Variants in DOK5 observed in about 807,000 individuals in gnomAD.
DOK5 encodes the protein downstream of tyrosine kinase 5.
A neutral mutation model predicts 43.3 loss-of-function variants in DOK5; 27 were observed. That is an observed-to-expected ratio of 0.62 (90% CI 0.46 to 0.86). DOK5 has a LOEUF of 0.86. Ranked by LOEUF, DOK5 falls within the 40% of genes least tolerant of loss-of-function variation. The pLI is 0.00. For synonymous variants in DOK5, 146 were observed against 140.1 expected, an observed-to-expected ratio of 1.04 and a Z score of -0.30; for missense variants, 373 against 392.9, an observed-to-expected ratio of 0.95 and a Z score of 0.43.
chr20:54,568,458 T>C (rs1416609348), intron 2 of DOK5, among the ~76,000 whole-genome samples: 1 of 152,182 alleles, frequency 6.6e-6, no homozygotes, highest in East Asian at 1.9e-4. Flanking sequence ...TGTCAGATAG[T>C]TTTTCCGTTT....
In DOK5 at chr20:54,650,516, T is replaced by C; in HGVS notation, c.*37T>C. ...AAGAATTGTTAACACACTTGTGATG[T>C]GTCAGCCACAGATTCACCCAGGAGG... is the stretch of plus-strand genomic sequence containing the variant. On this transcript the variant is annotated 3_prime_UTR_variant, in exon 8 of 8. Transcript: ENST00000262593. 6.3e-7 allele frequency: 1 copy of C among 1,597,038 alleles called. No homozygotes were observed.
intron 6 of DOK5, among the ~76,000 whole-genome samples, chr20:54,624,271 C>A (rs1206275503): frequency 6.6e-6 from 1 of 152,194 alleles, no homozygotes; most frequent in African/African-American, 2.4e-5. Context: ...CACAAAAGCA[C>A]CTGCTTCCAC....
At chr20:54,476,155 C>A (rs1181358238) in intron 1 of DOK5, 143 bp downstream of exon 1, 2 of 1,519,996 alleles carry the variant, frequency 1.3e-6, no homozygotes, top group Admixed American at 2.1e-5. Flanking sequence ...ACCCGCGTCT[C>A]CGGGGCTGTC....
chr20:54,543,216 G>A (rs997186722), intron 1 of DOK5, among the ~76,000 whole-genome samples: 8 of 151,374 alleles, frequency 5.3e-5, no homozygotes, highest in Admixed American at 4.6e-4. Context: ...AAGGAACAAC[G>A]TTGAATATTA....
At chr20:54,545,826 C>T (rs1020480478) in intron 1 of DOK5, among the ~76,000 whole-genome samples, 42 of 152,170 alleles carry the variant, frequency 2.8e-4, no homozygotes, top group African/African-American at 9.2e-4. Flanking sequence ...ACACTTAGTG[C>T]CAGTGAGTGA....
intron 2 of DOK5, among the ~76,000 whole-genome samples, chr20:54,561,415 C>A (rs1984899792): frequency 1.3e-5 from 2 of 152,204 alleles, no homozygotes; most frequent in African/African-American, 4.8e-5. Context: ...GCACAGAAGA[C>A]ACATACCCTT....
chr20:54,524,552 T>C (rs906778670), intron 1 of DOK5, among the ~76,000 whole-genome samples: 1 of 152,164 alleles, frequency 6.6e-6, no homozygotes, highest in South Asian at 2.1e-4. Context: ...CCTGGAACCA[T>C]ACTGTGGGGT....
chr20:54,609,490 T>G (rs946233041), intron 5 of DOK5, among the ~76,000 whole-genome samples: 2 of 151,698 alleles, frequency 1.3e-5, no homozygotes, highest in Non-Finnish European at 2.9e-5. Context: ...TAGTGTAGTT[T>G]TATATATATA....
intron 5 of DOK5, among the ~76,000 whole-genome samples, chr20:54,595,112 C>T (rs558100868): frequency 1.1e-4 from 16 of 152,174 alleles, no homozygotes; most frequent in East Asian, 3.9e-4. Flanking sequence ...GAGGCCAAGG[C>T]GGGCAGATCA....
intron 2 of DOK5, among the ~76,000 whole-genome samples, chr20:54,566,104 C>T (rs998352232): frequency 3.3e-5 from 5 of 151,118 alleles, no homozygotes; most frequent in Non-Finnish European, 7.4e-5. Context: ...AGTCCTCCCA[C>T]CCCACCACCC....
At chr20:54,491,667 C>A (rs1375633114) in intron 1 of DOK5, among the ~76,000 whole-genome samples, 2 of 152,330 alleles carry the variant, frequency 1.3e-5, no homozygotes, top group East Asian at 3.9e-4. Flanking sequence ...TTCACCTCTG[C>A]ACAGGAAGGG....
chr20:54,635,650 T>C (rs1381862260), intron 6 of DOK5, among the ~76,000 whole-genome samples: 4 of 152,252 alleles, frequency 2.6e-5, no homozygotes, highest in African/African-American at 7.2e-5. Flanking sequence ...TGATGTCTTA[T>C]GTCTCCCTAA....
At chr20:54,531,333 G>A (rs138988816) in intron 1 of DOK5, among the ~76,000 whole-genome samples, 35 of 152,272 alleles carry the variant, frequency 2.3e-4, no homozygotes, top group East Asian at 7.7e-4. Context: ...AGACTAAAGC[G>A]TCAAGAACCT....
At chr20:54,589,939 G>A (rs554096291) in intron 4 of DOK5, among the ~76,000 whole-genome samples, 2 of 152,148 alleles carry the variant, frequency 1.3e-5, no homozygotes, top group South Asian at 4.2e-4. Context: ...AGTCATTGAC[G>A]GGGTTACACA....
At chr20:54,530,007 C>G (rs6098046) in intron 1 of DOK5, among the ~76,000 whole-genome samples, 3,176 of 152,260 alleles carry the variant, frequency 0.021, 113 homozygotes, top group African/African-American at 0.073. Context: ...TAAGTTTAGC[C>G]TACAACTGTC....
intron 2 of DOK5, among the ~76,000 whole-genome samples, chr20:54,563,132 A>G (rs1350455786): frequency 1.3e-5 from 2 of 152,176 alleles, no homozygotes; most frequent in Non-Finnish European, 2.9e-5. Flanking sequence ...GATGCATGGA[A>G]CAGACTCTCC....
chr20:54,610,116 G>C (rs1415302227), intron 5 of DOK5, among the ~76,000 whole-genome samples: 2 of 152,100 alleles, frequency 1.3e-5, no homozygotes, highest in Non-Finnish European at 2.9e-5. Flanking sequence ...TGCAAATCAA[G>C]AAACAGCTTT....
chr20:54,643,714 C>T (rs1053284347), intron 7 of DOK5, 136 bp downstream of exon 7: 41 of 1,160,412 alleles, frequency 3.5e-5, no homozygotes, highest in Non-Finnish European at 4.5e-5. Flanking sequence ...CCATCAAGGC[C>T]TCACACACGA....
chr20:54,541,161 C>T (rs1237301056), intron 1 of DOK5, among the ~76,000 whole-genome samples: 2 of 152,164 alleles, frequency 1.3e-5, no homozygotes. Context: ...TAACCTTACC[C>T]TTACATTCAA....
Sources: gnomAD v4.1 joint callset for allele counts (sites outside exome capture counted in the v4.1 genomes callset) on GRCh38, gnomAD v4.1.1 for gene constraint, MANE v1.5 for transcripts, NCBI Gene and HGNC (gene_info 2026-07-23, HGNC 2026-07-21) for gene names.